Variants in PDPR observed in about 807,000 individuals in gnomAD.
PDPR encodes pyruvate dehydrogenase phosphatase regulatory subunit, mitochondrial.
A neutral mutation model predicts 102.2 loss-of-function variants in PDPR; 50 were observed. The ratio of observed to expected loss-of-function variants is 0.49; its 90% CI spans 0.39 to 0.62. The LOEUF is 0.62. PDPR is among the 20% of genes least tolerant of loss of function. The pLI is 0.00. For synonymous variants in PDPR, 259 were observed against 406.0 expected (o/e 0.64, Z 4.35); for missense variants, 625 against 1,098.2 (o/e 0.57, Z 6.09).
In PDPR at chr16:70,120,588, C is replaced by G. The variant is rs752258859; in HGVS notation, c.96C>G (p.Ala32=). 3.1e-6 allele frequency: 5 copies of G among 1,613,838 alleles called. No homozygotes were observed. The African/African-American group carries it at 5.3e-5, about 17-fold the overall frequency. The change falls in exon 3 of 19, where the codon GCC becomes GCG. Residue 32 remains alanine (A), a synonymous_variant. Transcript: ENST00000288050. ...CTGCAAGAAACAGCACGTCAGCTGC[C>G]GAGGCGCGTTCCATGGCCCTGCCCA... ...WSSARNSTSA[A]EARSMALPTQ... is the part of the protein sequence containing the mutation.
intron 17 of PDPR, among the ~76,000 whole-genome samples, chr16:70,150,620 G>A (rs976204671): frequency 6.6e-6 from 1 of 151,318 alleles, no homozygotes; most frequent in Non-Finnish European, 1.5e-5. Flanking sequence ...TGATCCCCCT[G>A]CCTCAGCCTC....
intron 2 of PDPR, among the ~76,000 whole-genome samples, chr16:70,118,957 G>A (rs1962932135): frequency 1.3e-5 from 2 of 152,140 alleles, no homozygotes; most frequent in African/African-American, 4.8e-5. Flanking sequence ...TGCTGACTGT[G>A]GAGCATCTGT....
intron 17 of PDPR, among the ~76,000 whole-genome samples, chr16:70,152,382 G>A (rs1966802521): frequency 6.6e-6 from 1 of 152,288 alleles, no homozygotes. Flanking sequence ...AGCTGGGTGT[G>A]GCGGCAGCCA....
chr16:70,137,281 A>G (rs1261734546), intron 10 of PDPR, among the ~76,000 whole-genome samples: 1 of 152,204 alleles, frequency 6.6e-6, no homozygotes, highest in Non-Finnish European at 1.5e-5. Flanking sequence ...GCGTGAACCC[A>G]GGAGGCAGAG....
At chr16:70,154,958 G>A (rs1966959288) in intron 18 of PDPR, among the ~76,000 whole-genome samples, 1 of 152,030 alleles carries the variant, frequency 6.6e-6, no homozygotes, top group Non-Finnish European at 1.5e-5. Flanking sequence ...TGGTTTTTTT[G>A]TTTTGGGCGG....
intron 9 of PDPR, among the ~76,000 whole-genome samples, chr16:70,133,913 A>G (rs947733328): frequency 6.6e-6 from 1 of 152,018 alleles, no homozygotes; most frequent in Non-Finnish European, 1.5e-5. Flanking sequence ...TTGTATTTTT[A>G]GTAGAGACAG....
At chr16:70,123,565 T>G (rs571686936) in intron 3 of PDPR, among the ~76,000 whole-genome samples, 120 of 152,334 alleles carry the variant, frequency 7.9e-4, no homozygotes, top group Middle Eastern at 6.8e-3. Flanking sequence ...TGTCAAAGTC[T>G]TTCTCCTATT....
In PDPR at chr16:70,145,597, A is replaced by G. The variant is rs1422992946; in HGVS notation, c.1868-537A>G. Reference sequence around the variant, plus strand: ...CTCATTCTCAATTCCTTGTAGTAGCAAATATGATATACGTCCTGCTCCTGG... The same window carrying G: ...CTCATTCTCAATTCCTTGTAGTAGCGAATATGATATACGTCCTGCTCCTGG... On this transcript the variant is annotated intron_variant, in intron 15 of 18. Transcript: ENST00000288050. The G allele has an allele frequency of 8.4e-6, 3 of 359,212 alleles. No homozygotes were observed. The East Asian group carries it at 2.4e-4, about 29-fold the overall frequency. The allele number at this position is 359,212 out of a possible 1,614,324, so 22.3% of individuals were successfully genotyped here.
At chr16:70,139,280 C>G (rs1376841084) in intron 11 of PDPR, among the ~76,000 whole-genome samples, 1 of 152,244 alleles carries the variant, frequency 6.6e-6, no homozygotes, top group Non-Finnish European at 1.5e-5. Flanking sequence ...TGGTACATAG[C>G]AGCTTCATAA....
chr16:70,161,111 C>T lies in PDPR; in HGVS notation c.*4232C>T, dbSNP rs1010120268. ...AGTCAATAAGGGTCTTCTTTAACAT[C>T]TAAGATAGAGGTTTGGTTGGCCGGG... On this transcript the variant is annotated 3_prime_UTR_variant, in exon 19 of 19. Transcript: ENST00000288050. 6.6e-6 allele frequency: 1 copy of T among 152,558 alleles called. No homozygotes were observed. The highest frequency in any genetic ancestry group is 1.5e-5 in the Non-Finnish European group (1 of 68,320). The allele number at this position is 152,558 out of a possible 1,614,324, so 9.5% of individuals were successfully genotyped here. A position where few individuals can be genotyped will look rare whatever the true frequency, so the allele number is the denominator to read the frequency against.
intron 17 of PDPR, among the ~76,000 whole-genome samples, chr16:70,151,850 C>G (rs1489846420): frequency 6.6e-6 from 1 of 152,200 alleles, no homozygotes; most frequent in South Asian, 2.1e-4. Context: ...ATGGCAGATT[C>G]TCGTTTTGTT....
intron 15 of PDPR, 68 bp from the exon 16 acceptor site, chr16:70,146,066 G>A (rs1394624007): frequency 6.4e-5 from 102 of 1,597,766 alleles, no homozygotes; most frequent in Non-Finnish European, 8.5e-5. Flanking sequence ...CAAGTCTACA[G>A]TAGACCTTTC....
rs370574237 is a variant in PDPR, at chr16:70,127,344, C to T, written c.312C>T (p.Tyr104=). 507 of 1,609,268 alleles carry T rather than the reference C, an allele frequency of 3.2e-4. 3 individuals are homozygous for T. The highest frequency in any genetic ancestry group is 3.0e-3 in the South Asian group (272 of 90,684). Residue 104 remains tyrosine, a synonymous_variant, in exon 4 of 19, where the codon TAC becomes TAT. Transcript: ENST00000288050. The part of the protein sequence containing the change: ...HLTIEQKMAD[Y]SNKLYYQLEQ... ...CCATTGAGCAGAAGATGGCAGACTACTCAAACAAACTCTACTATCAGTTAG... is the reference window on the plus strand; with the variant it reads ...CCATTGAGCAGAAGATGGCAGACTATTCAAACAAACTCTACTATCAGTTAG...
chr16:70,143,565 A>G lies in PDPR; in HGVS notation c.1661A>G (p.Asp554Gly). ...CAGTACCTCTTCTCCAATGACCTGGATGTGCCTGTGGGCCACATTGTGCAT... is the reference window on the plus strand; with the variant it reads ...CAGTACCTCTTCTCCAATGACCTGGGTGTGCCTGTGGGCCACATTGTGCAT... ...VLQYLFSNDL[D>G]VPVGHIVHTG... The change falls in exon 14 of 19, where the codon GAT becomes GGT. Residue 554 changes from aspartate (D) to glycine (G), a missense_variant. Around this residue, in one of 11 missense-constraint regions of PDPR, gnomAD observed 28 missense variants for 141.2 expected, o/e 0.20. Transcript: ENST00000288050. 6.2e-7 allele frequency: 1 copy of G among 1,613,446 alleles called. No individual in the cohort carries two copies. Among genetic ancestry groups the G allele is most frequent in the Non-Finnish European group, 8.5e-7 (1 of 1,179,374 alleles).
chr16:70,116,337 A>G (rs1174094079), intron 2 of PDPR, among the ~76,000 whole-genome samples: 1 of 137,348 alleles, frequency 7.3e-6, no homozygotes, highest in Non-Finnish European at 1.6e-5. Flanking sequence ...TTGGCCTCCC[A>G]AAGTGCTAGG....
rs1481717095 is a variant in PDPR at position 70,158,681 on chromosome 16, C to G, written c.*1802C>G. On this transcript the variant is annotated 3_prime_UTR_variant, in exon 19 of 19. Transcript: ENST00000288050. The stretch of plus-strand genomic sequence containing the variant: ...CTAGCCGAGAGATGCTGCCTCTAGG[C>G]AGAGAGGAGGAGAGGTGTTGCCGGC... 1 of 153,070 alleles carries G rather than the reference C, an allele frequency of 6.5e-6. No individual in the cohort carries two copies. The highest frequency in any genetic ancestry group is 1.5e-5 in the Non-Finnish European group (1 of 68,676). The allele number at this position is 153,070 out of a possible 1,614,324, so 9.5% of individuals were successfully genotyped here. A position where few individuals can be genotyped will look rare whatever the true frequency, so the allele number is the denominator to read the frequency against.
At chr16:70,139,456 TC>T (rs1489107848) in intron 11 of PDPR, among the ~76,000 whole-genome samples, 1 of 152,256 alleles carries the variant, frequency 6.6e-6, no homozygotes, top group Non-Finnish European at 1.5e-5. Context: ...GTTTTTTCTT[TC>T]CAAGTCAGAG....
chr16:70,156,367 C>G, intron 18 of PDPR, 108 bp from the exon 19 acceptor site: 1 of 1,342,050 alleles, frequency 7.5e-7, no homozygotes, highest in South Asian at 1.5e-5. Context: ...TGGGAGGAGG[C>G]GGCTGTGCCC....
chr16:70,161,314 T>C lies in PDPR; in HGVS notation c.*4435T>C, dbSNP rs1967769085. On this transcript the variant is annotated 3_prime_UTR_variant, in exon 19 of 19. Coordinates refer to ENST00000288050, the MANE Select transcript of PDPR (RefSeq NM_017990.5). ...AAAAAAAAAAAATCTAAGATAGAGG[T>C]TTGGTCAACAGTGCTTAATAATAAA... 6.6e-6 allele frequency: 1 copy of C among 151,844 alleles called. No individual in the cohort carries two copies. Among genetic ancestry groups the C allele is most frequent in the African/African-American group, 2.4e-5 (1 of 41,164 alleles). The allele number at this position is 151,844 out of a possible 1,614,324, so 9.4% of individuals were successfully genotyped here.
Sources: allele counts gnomAD v4.1 joint callset (sites outside exome capture counted in the v4.1 genomes callset), GRCh38; gene constraint gnomAD v4.1.1; regional missense constraint gnomAD v4.1.1; transcripts MANE v1.5; gene names NCBI Gene and HGNC (gene_info 2026-07-23, HGNC 2026-07-21).